Variants in DDI2 observed in about 807,000 individuals in gnomAD.
DDI2 encodes the protein protein DDI1 homolog 2.
Under a neutral mutation model 48.1 loss-of-function variants are expected in DDI2, and 5 were observed. The ratio of observed to expected loss-of-function variants is 0.10; its 90% CI spans 0.05 to 0.22. The LOEUF (loss-of-function observed/expected upper bound fraction) is 0.22, where lower values mean the gene tolerates loss of function less well. Ranked by LOEUF, DDI2 falls within the 10% of genes least tolerant of loss-of-function variation. DDI2 has a pLI of 1.00. For synonymous variants in DDI2, 205 were observed against 183.6 expected (o/e 1.12, Z -0.94); for missense variants, 285 against 506.2 (o/e 0.56, Z 4.19).
chr1:15,645,023 C>T (rs973689037), intron 6 of DDI2, among the ~76,000 whole-genome samples: 3 of 133,538 alleles, frequency 2.2e-5, no homozygotes, highest in African/African-American at 3.1e-5. Flanking sequence ...CCTGAGTAGC[C>T]GGGTCACAGG....
chr1:15,640,445 T>C (rs1182129257), intron 5 of DDI2, among the ~76,000 whole-genome samples: 2 of 152,238 alleles, frequency 1.3e-5, no homozygotes, highest in East Asian at 3.9e-4. Flanking sequence ...GTATACAGAG[T>C]TCGTGAGTGG....
chr1:15,641,137 A>G (rs568793928), intron 5 of DDI2, among the ~76,000 whole-genome samples: 4 of 152,304 alleles, frequency 2.6e-5, no homozygotes, highest in African/African-American at 7.2e-5. Context: ...AGTGGAAACC[A>G]TTGAGGACTT....
chr1:15,660,616 G>A lies in DDI2; in HGVS notation c.*826G>A, dbSNP rs1440488823. The stretch of plus-strand genomic sequence containing the variant: ...CTGCTCAAATTCAGAAACATTTATG[G>A]AAATCGATACAGCTCAACAGTCCCT... On this transcript the variant is annotated 3_prime_UTR_variant, in exon 10 of 10. Transcript: ENST00000480945. 1.9e-6 allele frequency: 3 copies of A among 1,613,954 alleles called. No individual in the cohort carries two copies. Among genetic ancestry groups the A allele is most frequent in the Non-Finnish European group, 2.5e-6 (3 of 1,180,018 alleles).
At chr1:15,638,279 C>T (rs1639956516) in intron 4 of DDI2, 28 bp from the exon 5 acceptor site, 2 of 1,612,480 alleles carry the variant, frequency 1.2e-6, no homozygotes, top group East Asian at 4.5e-5. Flanking sequence ...TTAATGCTTT[C>T]AGTGTCCCTG....
chr1:15,641,963 A>G (rs994053121), intron 5 of DDI2, among the ~76,000 whole-genome samples: 2 of 151,700 alleles, frequency 1.3e-5, no homozygotes, highest in African/African-American at 4.8e-5. Flanking sequence ...CTCAAAAAAA[A>G]AAAAAAAAAA....
intron 8 of DDI2, among the ~76,000 whole-genome samples, chr1:15,655,498 T>A (rs548954531): frequency 2.0e-5 from 3 of 151,026 alleles, no homozygotes; most frequent in African/African-American, 7.3e-5. Context: ...ACGCCTGTAA[T>A]CCCAACACTT....
chr1:15,658,754 TAAAAA>T (rs3070655), intron 9 of DDI2, among the ~76,000 whole-genome samples: 2 of 145,578 alleles, frequency 1.4e-5, no homozygotes, highest in Admixed American at 6.8e-5. Flanking sequence ...AACACAGTCT[TAAAAA>T]AAAAAAAAAA....
intron 6 of DDI2, among the ~76,000 whole-genome samples, chr1:15,645,039 A>T (rs1640068641): frequency 6.6e-6 from 1 of 152,072 alleles, no homozygotes; most frequent in Non-Finnish European, 1.5e-5. Flanking sequence ...ACAGGCGTGC[A>T]CCACCACACC....
intron 1 of DDI2, among the ~76,000 whole-genome samples, chr1:15,624,531 A>C (rs572196020): frequency 6.6e-6 from 1 of 152,196 alleles, no homozygotes; most frequent in Admixed American, 6.5e-5. Flanking sequence ...GCAGTGGTGC[A>C]ACCGCAGCTC....
intron 7 of DDI2, among the ~76,000 whole-genome samples, chr1:15,650,504 G>A (rs1369832501): frequency 1.3e-5 from 2 of 152,086 alleles, no homozygotes; most frequent in African/African-American, 2.4e-5. Context: ...CAGCATTTTG[G>A]GAGGCCAAGG....
intron 8 of DDI2, 59 bp downstream of exon 8, chr1:15,651,954 T>C: frequency 6.5e-7 from 1 of 1,537,700 alleles, no homozygotes. Context: ...CCGGGAAGTG[T>C]GGGCTTCAGA....
intron 6 of DDI2, among the ~76,000 whole-genome samples, chr1:15,649,167 C>T (rs1354966062): frequency 6.6e-6 from 1 of 151,836 alleles, no homozygotes; most frequent in Non-Finnish European, 1.5e-5. Context: ...AGTTCAAGAC[C>T]AGCCTGGCTA....
chr1:15,659,864 T>C lies in DDI2; in HGVS notation c.*74T>C, dbSNP rs745987381. 7.6e-5 allele frequency: 119 copies of C among 1,560,520 alleles called. No individual in the cohort carries two copies. Among genetic ancestry groups the C allele is most frequent in the Non-Finnish European group, 9.6e-5 (111 of 1,157,654 alleles). On this transcript the variant is annotated 3_prime_UTR_variant, in exon 10 of 10. Coordinates refer to ENST00000480945, the MANE Select transcript of DDI2 (RefSeq NM_032341.5). Reference sequence around the variant, plus strand: ...AAAAGTGGTAAAGAATCTACCTCACTGGGAATGTCATCATTACCAACTTCA... The same window carrying C: ...AAAAGTGGTAAAGAATCTACCTCACCGGGAATGTCATCATTACCAACTTCA...
In DDI2 at chr1:15,660,621, C is replaced by A. The variant is rs779568107; in HGVS notation, c.*831C>A. On this transcript the variant is annotated 3_prime_UTR_variant, in exon 10 of 10. Transcript: ENST00000480945. ...CAAATTCAGAAACATTTATGGAAATCGATACAGCTCAACAGTCCCTAGTTA... is the reference window on the plus strand; with the variant it reads ...CAAATTCAGAAACATTTATGGAAATAGATACAGCTCAACAGTCCCTAGTTA... 3 of 1,614,090 alleles carry A rather than the reference C, an allele frequency of 1.9e-6. No homozygotes were observed. The South Asian group carries it at 3.3e-5, about 18-fold the overall frequency.
intron 6 of DDI2, among the ~76,000 whole-genome samples, chr1:15,645,229 G>A (rs2103474352): frequency 6.6e-6 from 1 of 152,268 alleles, no homozygotes; most frequent in Middle Eastern, 3.4e-3. Flanking sequence ...TCTTCCCTTT[G>A]ACCTCAGTGT....
chr1:15,621,336 A>G (rs868072985), intron 1 of DDI2, among the ~76,000 whole-genome samples: 3 of 152,236 alleles, frequency 2.0e-5, no homozygotes, highest in Admixed American at 1.3e-4. Flanking sequence ...CAGTAATTGT[A>G]TGATCTTGGA....
chr1:15,617,698 A>G lies in DDI2; in HGVS notation c.28A>G (p.Arg10Gly). 6.2e-7 allele frequency: 1 copy of G among 1,608,186 alleles called. No homozygotes were observed. The highest frequency in any genetic ancestry group is 1.7e-5 in the Admixed American group (1 of 59,452). ...GCTGCTCACCGTGTACTGTGTGCGG[A>G]GGGACCTCTCCGAGGTGACCTTTTC... is the stretch of plus-strand genomic sequence containing the variant. MLLTVYCVR[R>G]DLSEVTFSLQ... The change falls in exon 1 of 10, where the codon AGG (arginine) becomes GGG (glycine). Residue 10 changes from arginine (R) to glycine (G), a missense_variant. By Grantham distance (125) the Arg-to-Gly change is moderately radical. Transcript: ENST00000480945.
rs1639587257 is a variant in DDI2 at position 15,617,812 on chromosome 1, C to CG, written c.138+5dup. On this transcript the variant is annotated splice_donor_region_variant and intron_variant, in intron 1 of 9. Transcript: ENST00000480945. ...CATCCCCGCAGCCGAGAGCCAGGTA[C>CG]GCCGGGCAGCGAGCCGGGCCTGCCC... is the stretch of plus-strand genomic sequence containing the variant. 6.3e-7 allele frequency: 1 copy of CG among 1,589,988 alleles called. No individual in the cohort carries two copies. Among genetic ancestry groups the CG allele is most frequent in the African/African-American group, 1.3e-5 (1 of 74,800 alleles).
At chr1:15,649,131 A>G (rs1640136221) in intron 6 of DDI2, among the ~76,000 whole-genome samples, 1 of 152,104 alleles carries the variant, frequency 6.6e-6, no homozygotes, top group Non-Finnish European at 1.5e-5. Context: ...TGGGAGGCCA[A>G]GGTGGGTGGA....
Sources: gnomAD v4.1 joint callset for allele counts (sites outside exome capture counted in the v4.1 genomes callset) on GRCh38, gnomAD v4.1.1 for gene constraint, MANE v1.5 for transcripts, NCBI Gene and HGNC (gene_info 2026-07-23, HGNC 2026-07-21) for gene names.